Variants in SLC25A31 observed in about 807,000 individuals in gnomAD.
SLC25A31 encodes the protein ADP/ATP translocase 4.
SLC25A31 carries 40 observed loss-of-function variants against 36.2 expected under a neutral mutation model. The observed-to-expected ratio is 1.10, with a 90% CI of 0.86 to 1.44. SLC25A31 has a LOEUF of 1.44. SLC25A31 is among the 40% of genes most tolerant of loss of function. The pLI is 0.00. For missense variants in SLC25A31, 350 were observed against 397.1 expected, an observed-to-expected ratio of 0.88 and a Z score of 1.01; for synonymous variants, 143 against 149.7, an observed-to-expected ratio of 0.96 and a Z score of 0.32.
At chr4:127,772,433 C>A (rs1402954358) in intron 5 of SLC25A31, among the ~76,000 whole-genome samples, 1 of 152,080 alleles carries the variant, frequency 6.6e-6, no homozygotes, top group East Asian at 1.9e-4. Context: ...AATCTTGGGG[C>A]CTTTTCTCTT....
intron 1 of SLC25A31, 44 bp downstream of exon 1, chr4:127,730,821 C>T: frequency 6.5e-7 from 1 of 1,545,334 alleles, no homozygotes; most frequent in South Asian, 1.2e-5. Flanking sequence ...CCGGCGCCCT[C>T]GTCAGCTTCC....
chr4:127,759,731 A>G (rs1317186185), intron 2 of SLC25A31, among the ~76,000 whole-genome samples: 1 of 152,148 alleles, frequency 6.6e-6, no homozygotes, highest in Non-Finnish European at 1.5e-5. Context: ...AAGTTCTGGA[A>G]ATAGTGACAA....
At chr4:127,759,416 T>C (rs910523150) in intron 2 of SLC25A31, among the ~76,000 whole-genome samples, 1 of 152,164 alleles carries the variant, frequency 6.6e-6, no homozygotes, top group South Asian at 2.1e-4. Context: ...AAATTACTCA[T>C]GTAATTTGAC....
intron 1 of SLC25A31, among the ~76,000 whole-genome samples, chr4:127,741,765 A>G (rs551515927): frequency 1.3e-5 from 2 of 152,238 alleles, no homozygotes; most frequent in East Asian, 3.9e-4. Context: ...TGAAATCATC[A>G]GATCCTGGGC....
chr4:127,731,835 C>T (rs933931272), intron 1 of SLC25A31, among the ~76,000 whole-genome samples: 1 of 151,490 alleles, frequency 6.6e-6, no homozygotes, highest in Non-Finnish European at 1.5e-5. Context: ...TATTTTAATG[C>T]AATCTTTTAA....
At chr4:127,749,842 C>A (rs976989848) in intron 2 of SLC25A31, among the ~76,000 whole-genome samples, 9 of 151,902 alleles carry the variant, frequency 5.9e-5, no homozygotes, top group Non-Finnish European at 1.3e-4. Flanking sequence ...TTGAGACAAG[C>A]CTGAGCAATA....
intron 3 of SLC25A31, among the ~76,000 whole-genome samples, chr4:127,765,429 C>T (rs1015606141): frequency 6.6e-6 from 1 of 152,164 alleles, no homozygotes; most frequent in African/African-American, 2.4e-5. Flanking sequence ...GTCATGTTCT[C>T]TTATTGGCCT....
At chr4:127,745,338 G>T (rs1417994138) in intron 2 of SLC25A31, among the ~76,000 whole-genome samples, 2 of 150,896 alleles carry the variant, frequency 1.3e-5, no homozygotes, top group African/African-American at 2.4e-5. Context: ...TTACTCCCTT[G>T]GTTACAAAAT....
chr4:127,730,452 T>A lies in SLC25A31; in HGVS notation c.-94T>A. On this transcript the variant is annotated 5_prime_UTR_variant, in exon 1 of 6. It removes an upstream start codon present in the reference 5' UTR. Transcript: ENST00000281154. ...AAGAGCCACTTTCTCGCCAGTACGA[T>A]GCTGCAGCGGTTTTCCGGTTTTCCG... The A allele has an allele frequency of 7.5e-7, 1 of 1,326,268 alleles. No individual in the cohort carries two copies. Among genetic ancestry groups the A allele is most frequent in the Non-Finnish European group, 1.1e-6 (1 of 949,334 alleles). The allele number at this position is 1,326,268 out of a possible 1,614,324, so 82.2% of individuals were successfully genotyped here. A position where few individuals can be genotyped will look rare whatever the true frequency, so the allele number is the denominator to read the frequency against.
rs1382302109 is a variant in SLC25A31, at chr4:127,773,787, G to A, written c.*213G>A. On this transcript the variant is annotated 3_prime_UTR_variant, in exon 6 of 6. Transcript: ENST00000281154. Reference sequence around the variant, plus strand: ...CTTAGACTCAAACACATTTTAGTGTGATATTTCATTTATTATAGGTAGTAT... The same window carrying A: ...CTTAGACTCAAACACATTTTAGTGTAATATTTCATTTATTATAGGTAGTAT... The A allele has an allele frequency of 2.6e-6, 1 of 383,090 alleles. No homozygotes were observed. The highest frequency in any genetic ancestry group is 4.6e-6 in the Non-Finnish European group (1 of 218,336). The allele number at this position is 383,090 out of a possible 1,614,324, so 23.7% of individuals were successfully genotyped here.
chr4:127,737,912 T>C (rs1484196720), intron 1 of SLC25A31, among the ~76,000 whole-genome samples: 2 of 150,566 alleles, frequency 1.3e-5, no homozygotes, highest in Non-Finnish European at 3.0e-5. Flanking sequence ...ATAATCATAA[T>C]TACAGAATTA....
chr4:127,766,401 C>T (rs531124251), intron 3 of SLC25A31, among the ~76,000 whole-genome samples: 16 of 152,064 alleles, frequency 1.1e-4, no homozygotes, highest in South Asian at 2.1e-4. Context: ...CTCCTGACCT[C>T]GTGATCCACC....
intron 2 of SLC25A31, among the ~76,000 whole-genome samples, chr4:127,763,982 T>A (rs1205420823): frequency 6.6e-6 from 1 of 152,192 alleles, no homozygotes; most frequent in African/African-American, 2.4e-5. Flanking sequence ...TGGGCTGCTT[T>A]GCTGGAGAAC....
rs576406844 is a variant in SLC25A31, at chr4:127,773,651, T to C, written c.*77T>C. ...TTACATAGCTGCCATTTGCATACAT[T>C]TTGATAGTGTTATTGTCTGTATTTT... On this transcript the variant is annotated 3_prime_UTR_variant, in exon 6 of 6. Coordinates refer to ENST00000281154, the MANE Select transcript of SLC25A31 (RefSeq NM_031291.4). The C allele has an allele frequency of 8.5e-7, 1 of 1,176,514 alleles. No individual in the cohort carries two copies. The highest frequency in any genetic ancestry group is 1.5e-5 in the African/African-American group (1 of 64,536). 72.9% of individuals were successfully genotyped at this position (1,176,514 alleles called of 1,614,324 possible).
At chr4:127,762,014 G>A (rs1241338434) in intron 2 of SLC25A31, among the ~76,000 whole-genome samples, 1 of 152,140 alleles carries the variant, frequency 6.6e-6, no homozygotes, top group Non-Finnish European at 1.5e-5. Flanking sequence ...CAATAAAACT[G>A]ATGAGTGTTA....
intron 1 of SLC25A31, among the ~76,000 whole-genome samples, chr4:127,743,189 T>C: frequency 6.6e-6 from 1 of 151,596 alleles, no homozygotes; most frequent in Non-Finnish European, 1.5e-5. Context: ...GGAATGAGGT[T>C]GTGTGATCAT....
At chr4:127,739,829 A>G (rs1731699717) in intron 1 of SLC25A31, among the ~76,000 whole-genome samples, 1 of 151,934 alleles carries the variant, frequency 6.6e-6, no homozygotes, top group Admixed American at 6.6e-5. Flanking sequence ...CCAGTCTTCA[A>G]GCTCTGCATT....
chr4:127,750,303 A>G (rs1417515118), intron 2 of SLC25A31, among the ~76,000 whole-genome samples: 1 of 152,224 alleles, frequency 6.6e-6, no homozygotes, highest in African/African-American at 2.4e-5. Flanking sequence ...TGATAAACTC[A>G]TAAGTGGAAA....
intron 1 of SLC25A31, among the ~76,000 whole-genome samples, chr4:127,737,993 G>T (rs1731665823): frequency 6.6e-6 from 1 of 152,084 alleles, no homozygotes; most frequent in South Asian, 2.1e-4. Context: ...TTTCCAAAGT[G>T]GCCATTAATA....
Sources: allele counts gnomAD v4.1 joint callset (sites outside exome capture counted in the v4.1 genomes callset), GRCh38; gene constraint gnomAD v4.1.1; transcripts MANE v1.5; gene names NCBI Gene and HGNC (gene_info 2026-07-23, HGNC 2026-07-21).